MAP3K1: variants seen among roughly 807,000 people sequenced by gnomAD.
The protein encoded by MAP3K1 is MAP/ERK kinase kinase 1.
In MAP3K1, 36 loss-of-function variants were observed where a neutral mutation model predicts 144.2. The ratio of observed to expected loss-of-function variants is 0.25; its 90% CI spans 0.19 to 0.33. The LOEUF is 0.33. Among genes scored for constraint, MAP3K1 ranks in the 10% least tolerant of loss-of-function variants. The pLI is 1.00. For synonymous variants in MAP3K1, 718 were observed against 688.7 expected (o/e 1.04, Z -0.67); for missense variants, 1,650 against 1,881.9 (o/e 0.88, Z 2.28).
chr5:56,881,446 A>G (rs1389297976), intron 13 of MAP3K1, 124 bp from the exon 14 acceptor site: 4 of 996,368 alleles, frequency 4.0e-6, no homozygotes, highest in Non-Finnish European at 6.1e-6. Context: ...TTAAAAATTC[A>G]TAGATACTTT....
In MAP3K1 at chr5:56,815,741, C is replaced by T. The variant is rs1745926762; in HGVS notation, c.168C>T (p.Asp56=). 3.7e-6 allele frequency: 5 copies of T among 1,354,816 alleles called. No homozygotes were observed. The highest frequency in any genetic ancestry group is 2.9e-6 in the Non-Finnish European group (3 of 1,050,424). The allele number at this position is 1,354,816 out of a possible 1,614,324, so 83.9% of individuals were successfully genotyped here. The stretch of plus-strand genomic sequence containing the variant: ...GCAGCGGGGGCCGCGAGCGGGCGGA[C>T]TGGCGGCGGCGGCAGCTGCGCAAAG... ...EAGSGGRERA[D]WRRRQLRKVR... is the part of the protein sequence containing the mutation. Residue 56 remains aspartate, a synonymous_variant, in exon 1 of 20, where the codon GAC becomes GAT. Coordinates refer to ENST00000399503, the MANE Select transcript of MAP3K1 (RefSeq NM_005921.2).
intron 3 of MAP3K1, among the ~76,000 whole-genome samples, chr5:56,861,398 C>T (rs1018681585): frequency 5.3e-5 from 8 of 151,796 alleles, no homozygotes; most frequent in African/African-American, 1.9e-4. Flanking sequence ...GTGGTGAAAC[C>T]CCGTCTCTAC....
At position 56,888,386 on chromosome 5, in the gene MAP3K1, G is replaced by A. The variant is rs747252894; in HGVS notation, c.4389+29G>A. On this transcript the variant is annotated intron_variant, in intron 19 of 19. Coordinates refer to ENST00000399503, the MANE Select transcript of MAP3K1 (RefSeq NM_005921.2). ...ATTGTGAGATAAAAATTACTTCTTT[G>A]TGCTAAAAGGAGTACAGCAGAATTT... The A allele has an allele frequency of 2.5e-6, 4 of 1,610,454 alleles. No homozygotes were observed. In the African/African-American group the frequency reaches 4.0e-5, roughly 16 times the overall value.
At chr5:56,846,941 A>G (rs1747016230) in intron 1 of MAP3K1, among the ~76,000 whole-genome samples, 1 of 152,130 alleles carries the variant, frequency 6.6e-6, no homozygotes, top group Admixed American at 6.5e-5. Context: ...GGATTGATTT[A>G]TTGTGGTACA....
chr5:56,829,488 C>T (rs138642365), intron 1 of MAP3K1, among the ~76,000 whole-genome samples: 270 of 152,072 alleles, frequency 1.8e-3, no homozygotes, highest in African/African-American at 5.7e-3. Flanking sequence ...ATGCCGAGCC[C>T]GCATTGCTGT....
chr5:56,861,166 A>T (rs1747496643), intron 3 of MAP3K1, among the ~76,000 whole-genome samples: 1 of 152,220 alleles, frequency 6.6e-6, no homozygotes, highest in African/African-American at 2.4e-5. Flanking sequence ...AAAATACACC[A>T]TTTGGATTTT....
At chr5:56,891,168 C>T (rs920210125) in intron 19 of MAP3K1, among the ~76,000 whole-genome samples, 2 of 145,970 alleles carry the variant, frequency 1.4e-5, no homozygotes, top group African/African-American at 5.2e-5. Flanking sequence ...CCCACACACA[C>T]ACACACAAAT....
intron 11 of MAP3K1, 57 bp downstream of exon 11, chr5:56,879,158 C>T: frequency 1.3e-6 from 2 of 1,595,872 alleles, no homozygotes; most frequent in Admixed American, 1.7e-5. Flanking sequence ...TGCCTCGCAG[C>T]AAGCCTCACA....
chr5:56,817,903 G>A (rs962116464), intron 1 of MAP3K1, among the ~76,000 whole-genome samples: 1 of 152,156 alleles, frequency 6.6e-6, no homozygotes, highest in African/African-American at 2.4e-5. Context: ...GGACTAAGGT[G>A]GAGGCAGATA....
At chr5:56,848,485 C>G (rs980912355) in intron 1 of MAP3K1, among the ~76,000 whole-genome samples, 10 of 152,138 alleles carry the variant, frequency 6.6e-5, no homozygotes, top group African/African-American at 2.4e-4. Context: ...ATCTGTTGTT[C>G]TGGGTGCTTT....
At chr5:56,855,376 T>A (rs1478054608) in intron 1 of MAP3K1, among the ~76,000 whole-genome samples, 1 of 152,188 alleles carries the variant, frequency 6.6e-6, no homozygotes, top group East Asian at 1.9e-4. Context: ...AGGAAATATT[T>A]TACGCTGTGG....
chr5:56,878,966 A>AT lies in MAP3K1; in HGVS notation c.1966-7dup. 10 of 1,613,468 alleles carry AT rather than the reference A, an allele frequency of 6.2e-6. No individual in the cohort carries two copies. Among genetic ancestry groups the AT allele is most frequent in the Middle Eastern group, 1.7e-4 (1 of 6,056 alleles). ...TAAGTGTACATAAACTGACCTTCAGATTTTTTTCCTTAGAAAACATTGAGA... is the reference window on the plus strand; with the variant it reads ...TAAGTGTACATAAACTGACCTTCAGATTTTTTTTCCTTAGAAAACATTGAGA... On this transcript the variant is annotated splice_polypyrimidine_tract_variant and intron_variant, in intron 10 of 19. Coordinates refer to ENST00000399503, the MANE Select transcript of MAP3K1 (RefSeq NM_005921.2).
chr5:56,839,993 T>A (rs938819241), intron 1 of MAP3K1, among the ~76,000 whole-genome samples: 1 of 152,236 alleles, frequency 6.6e-6, no homozygotes, highest in Non-Finnish European at 1.5e-5. Context: ...AGTTTGGTGA[T>A]GTTTTTGTGA....
At chr5:56,825,202 A>G (rs1446638062) in intron 1 of MAP3K1, among the ~76,000 whole-genome samples, 1 of 152,058 alleles carries the variant, frequency 6.6e-6, no homozygotes, top group East Asian at 1.9e-4. Context: ...TAGTAGAGAC[A>G]GGGTTTCACC....
At chr5:56,873,660 G>C (rs975425683) in intron 9 of MAP3K1, among the ~76,000 whole-genome samples, 2 of 152,102 alleles carry the variant, frequency 1.3e-5, no homozygotes, top group African/African-American at 2.4e-5. Context: ...GTCTCCAGTA[G>C]ACAATAATAA....
chr5:56,816,600 C>G (rs1169966817), intron 1 of MAP3K1, among the ~76,000 whole-genome samples: 7 of 152,098 alleles, frequency 4.6e-5, no homozygotes, highest in Non-Finnish European at 1.0e-4. Flanking sequence ...CCCCTCGGCC[C>G]GCCCGGGACT....
chr5:56,840,061 G>C (rs1746766733), intron 1 of MAP3K1, among the ~76,000 whole-genome samples: 2 of 152,210 alleles, frequency 1.3e-5, no homozygotes, highest in Admixed American at 6.5e-5. Flanking sequence ...CTATGGTAAA[G>C]TTGGTTTTAA....
At position 56,837,175 on chromosome 5, in the gene MAP3K1, A is replaced by G. The variant is rs1244127819; in HGVS notation, c.483-19425A>G. On this transcript the variant is annotated intron_variant, in intron 1 of 19. Transcript: ENST00000399503. ...TTCTTCCTCTTGGGTTGCTTCCCTA[A>G]TAGGATGCACTTCATGGCTTTTGCA... 8.6e-5 allele frequency among the ~76,000 whole-genome samples: 13 copies of G among 151,548 alleles called. No individual in the cohort carries two copies. The East Asian group carries it at 2.5e-3, about 30-fold the overall frequency.
chr5:56,815,945 TACC>T lies in MAP3K1; in HGVS notation c.373_375del (p.Thr125del), dbSNP rs1745939096. 1.6e-6 allele frequency: 2 copies of T among 1,259,986 alleles called. No individual in the cohort carries two copies. Among genetic ancestry groups the T allele is most frequent in the Non-Finnish European group, 2.0e-6 (2 of 1,004,026 alleles). The allele number at this position is 1,259,986 out of a possible 1,614,324, so 78.1% of individuals were successfully genotyped here. On this transcript the variant is annotated inframe_deletion, in exon 1 of 20. Coordinates refer to ENST00000399503, the MANE Select transcript of MAP3K1 (RefSeq NM_005921.2). ...CCGCGAGCCGCGGCGGCGCCCACCT[TACC>T]GAGTCGGTGGCGGCGCCGGACAGCG...
Sources: gnomAD v4.1 joint callset for allele counts (sites outside exome capture counted in the v4.1 genomes callset) on GRCh38, gnomAD v4.1.1 for gene constraint, MANE v1.5 for transcripts, NCBI Gene and HGNC (gene_info 2026-07-23, HGNC 2026-07-21) for gene names.